Variants in NAALADL2 observed in about 807,000 individuals in gnomAD.
NAALADL2 encodes N-acetylated alpha-linked acidic dipeptidase like 2, also known as inactive N-acetylated-alpha-linked acidic dipeptidase-like protein 2.
NAALADL2 carries 76 observed loss-of-function variants against 87.2 expected under a neutral mutation model. The observed-to-expected ratio is 0.87, with a 90% confidence interval of 0.72 to 1.05. The LOEUF is 1.05. NAALADL2 is among the 50% of genes least tolerant of loss of function. The pLI, the probability that NAALADL2 is intolerant of heterozygous loss-of-function variation, is 0.00. For missense variants in NAALADL2, 1,089 were observed against 945.8 expected, an observed-to-expected ratio of 1.15 and a Z score of -1.99; for synonymous variants, 354 against 331.0, an observed-to-expected ratio of 1.07 and a Z score of -0.75.
intron 2 of NAALADL2, among the ~76,000 whole-genome samples, chr3:174,694,749 T>C (rs1259775210): frequency 6.6e-6 from 1 of 152,088 alleles, no homozygotes; most frequent in African/African-American, 2.4e-5. Flanking sequence ...TTTTGTTAAC[T>C]AGTATTCCAC....
At chr3:174,558,794 G>A (rs779103730) in intron 2 of NAALADL2, among the ~76,000 whole-genome samples, 14 of 152,182 alleles carry the variant, frequency 9.2e-5, no homozygotes, top group East Asian at 5.8e-4. Context: ...CTGCTAGAAC[G>A]CAATTTCATC....
At chr3:174,829,861 G>A (rs1579104317) in intron 3 of NAALADL2, among the ~76,000 whole-genome samples, 3 of 136,828 alleles carry the variant, frequency 2.2e-5, no homozygotes, top group Admixed American at 1.5e-4. Context: ...TTTCTCTGAT[G>A]GCCAGTGATG....
intron 2 of NAALADL2, among the ~76,000 whole-genome samples, chr3:175,182,550 GT>G (rs1161831796): frequency 0.053 from 3,646 of 68,970 alleles, 14 homozygotes; most frequent in African/African-American, 0.073. Context: ...ACCACAGCCA[GT>G]TTTTTTTTTT....
At chr3:175,022,781 C>T (rs1383371938) in intron 1 of NAALADL2, among the ~76,000 whole-genome samples, 2 of 152,012 alleles carry the variant, frequency 1.3e-5, no homozygotes, top group East Asian at 1.9e-4. Flanking sequence ...AATTCTTACT[C>T]GAGAAAGACT....
At chr3:175,687,345 TG>T (rs2149902204) in intron 11 of NAALADL2, among the ~76,000 whole-genome samples, 1 of 152,328 alleles carries the variant, frequency 6.6e-6, no homozygotes, top group South Asian at 2.1e-4. Context: ...GTATTTTCAA[TG>T]TAAGTATTAT....
At chr3:175,051,685 T>C (rs1755409947) in intron 1 of NAALADL2, among the ~76,000 whole-genome samples, 1 of 152,076 alleles carries the variant, frequency 6.6e-6, no homozygotes, top group Non-Finnish European at 1.5e-5. Flanking sequence ...ATTACACTTA[T>C]GGAGAAGGGA....
At chr3:174,993,867 T>C (rs1462311925) in intron 1 of NAALADL2, among the ~76,000 whole-genome samples, 1 of 152,156 alleles carries the variant, frequency 6.6e-6, no homozygotes, top group African/African-American at 2.4e-5. Flanking sequence ...TCCATGCCTT[T>C]CTCTTAACTT....
At chr3:175,563,516 G>C (rs1387716960) in intron 9 of NAALADL2, among the ~76,000 whole-genome samples, 1 of 152,166 alleles carries the variant, frequency 6.6e-6, no homozygotes, top group Non-Finnish European at 1.5e-5. Flanking sequence ...ACTCTAAACT[G>C]GATGGTGTTT....
intron 2 of NAALADL2, among the ~76,000 whole-genome samples, chr3:175,139,840 CA>C: frequency 6.6e-6 from 1 of 152,110 alleles, no homozygotes; most frequent in South Asian, 2.1e-4. Flanking sequence ...GGGTCAAAAG[CA>C]AAACACGCAA....
chr3:174,963,133 G>A lies in NAALADL2; in HGVS notation c.43+103683G>A, dbSNP rs548182376. 7.2e-5 allele frequency among the ~76,000 whole-genome samples: 11 copies of A among 152,138 alleles called. 1 individual carries two copies. In the South Asian group the frequency reaches 2.3e-3, roughly 32 times the overall value. On this transcript the variant is annotated intron_variant, in intron 1 of 13. Transcript: ENST00000454872. ...GGAGGTCAAATATACATTCTGTTTA[G>A]ATGGCTCTGGTGATACCAAGCTTAA...
intron 2 of NAALADL2, among the ~76,000 whole-genome samples, chr3:174,694,516 A>G (rs1368969803): frequency 4.6e-5 from 7 of 152,060 alleles, no homozygotes; most frequent in African/African-American, 1.4e-4. Context: ...TGTTGAATAA[A>G]AAGGCTTCAC....
intron 2 of NAALADL2, among the ~76,000 whole-genome samples, chr3:174,573,478 C>CAGGA (rs2108540752): frequency 6.6e-6 from 1 of 152,186 alleles, no homozygotes; most frequent in South Asian, 2.1e-4. Flanking sequence ...TGTCTCAGTC[C>CAGGA]ATTTTTGTGT....
intron 2 of NAALADL2, among the ~76,000 whole-genome samples, chr3:174,660,969 C>T (rs550903376): frequency 1.3e-5 from 2 of 152,202 alleles, no homozygotes; most frequent in African/African-American, 2.4e-5. Flanking sequence ...CATAGTGAAA[C>T]ACTTATGTAC....
intron 1 of NAALADL2, among the ~76,000 whole-genome samples, chr3:174,897,791 A>C (rs900497289): frequency 3.3e-5 from 5 of 152,150 alleles, no homozygotes; most frequent in African/African-American, 1.2e-4. Flanking sequence ...TGGATAAAGA[A>C]AATGTGGAGT....
intron 3 of NAALADL2, among the ~76,000 whole-genome samples, chr3:174,830,354 CA>C (rs552671916): frequency 5.2e-4 from 79 of 152,244 alleles, no homozygotes; most frequent in African/African-American, 1.7e-3. Flanking sequence ...GTTTTCCCAG[CA>C]CCATTTATTA....
chr3:175,467,113 G>A lies in NAALADL2; in HGVS notation c.1462G>A (p.Asp488Asn). ...MSKVKRGWRPDRTIVFCSWGG... is the reference protein window; with the variant it reads ...MSKVKRGWRPNRTIVFCSWGG... Reference sequence around the variant, plus strand: ...AAAAGTTAAGAGAGGGTGGAGACCAGACCGAACTATTGTTTTCTGTTCTTG... The same window carrying A: ...AAAAGTTAAGAGAGGGTGGAGACCAAACCGAACTATTGTTTTCTGTTCTTG... Residue 488 changes from aspartate to asparagine, a missense_variant, in exon 8 of 14, where the codon GAC becomes AAC. Asp to Asn is a conservative substitution (Grantham distance 23). Transcript: ENST00000454872. 6.2e-7 allele frequency: 1 copy of A among 1,613,932 alleles called. No individual in the cohort carries two copies. The highest frequency in any genetic ancestry group is 8.5e-7 in the Non-Finnish European group (1 of 1,179,850).
At chr3:174,648,155 T>G (rs573830966) in intron 2 of NAALADL2, among the ~76,000 whole-genome samples, 5 of 152,078 alleles carry the variant, frequency 3.3e-5, no homozygotes, top group Non-Finnish European at 5.9e-5. Context: ...TACAGTATAT[T>G]GTTATAATTG....
At chr3:175,238,252 G>T (rs909960693) in intron 3 of NAALADL2, among the ~76,000 whole-genome samples, 2 of 151,964 alleles carry the variant, frequency 1.3e-5, no homozygotes, top group African/African-American at 4.8e-5. Flanking sequence ...ATTTGTAAGT[G>T]TATTAAAACT....
At chr3:175,634,674 C>T (rs1474789617) in intron 11 of NAALADL2, among the ~76,000 whole-genome samples, 7 of 151,894 alleles carry the variant, frequency 4.6e-5, no homozygotes, top group African/African-American at 1.7e-4. Context: ...GCAAATCTGT[C>T]TTCTAGGTAT....
Sources: allele counts gnomAD v4.1 joint callset (sites outside exome capture counted in the v4.1 genomes callset), GRCh38; gene constraint gnomAD v4.1.1; transcripts MANE v1.5; gene names NCBI Gene and HGNC (gene_info 2026-07-23, HGNC 2026-07-21).